CCDC170: variants seen among roughly 807,000 people sequenced by gnomAD.
CCDC170 encodes the protein coiled-coil domain containing 170, also known as coiled-coil domain-containing protein 170.
A neutral mutation model predicts 72.6 loss-of-function variants in CCDC170; 69 were observed. That is an observed-to-expected ratio of 0.95 (90% confidence interval 0.78 to 1.16). The LOEUF is 1.16. Ranked by LOEUF, CCDC170 falls within the 50% of genes most tolerant of loss-of-function variation. The pLI, the probability that CCDC170 is intolerant of heterozygous loss-of-function variation, is 0.00. For missense variants in CCDC170, 852 were observed against 832.5 expected, an observed-to-expected ratio of 1.02 and a Z score of -0.29; for synonymous variants, 300 against 303.9, an observed-to-expected ratio of 0.99 and a Z score of 0.13.
chr6:151,574,644 C>A (rs1333331667), intron 6 of CCDC170, among the ~76,000 whole-genome samples: 1 of 152,162 alleles, frequency 6.6e-6, no homozygotes, highest in Non-Finnish European at 1.5e-5. Flanking sequence ...ATGAAGACCG[C>A]AAATAGCCTC....
rs757900433 is a variant in CCDC170, at chr6:151,544,624, A to G, written c.496A>G (p.Arg166Gly). 6.2e-7 allele frequency: 1 copy of G among 1,613,428 alleles called. No homozygotes were observed. The highest frequency in any genetic ancestry group is 2.2e-5 in the East Asian group (1 of 44,866). ...TAAGAAACAAGTTTCAAAGAATTGC[A>G]GGAAACATGAGGAATTTCTGACTCA... is the stretch of plus-strand genomic sequence containing the variant. ...ENKKQVSKNC[R>G]KHEEFLTQLR... Residue 166 changes from arginine (R) to glycine (G), a missense_variant, in exon 4 of 11, where the codon AGG becomes GGG. Arg to Gly is a moderately radical substitution (Grantham distance 125, BLOSUM62 -2). Transcript: ENST00000239374.
intron 7 of CCDC170, among the ~76,000 whole-genome samples, chr6:151,587,762 A>C (rs1776476124): frequency 6.6e-6 from 1 of 152,214 alleles, no homozygotes; most frequent in Non-Finnish European, 1.5e-5. Context: ...ATGGTGCAAT[A>C]GTGCAATTAG....
chr6:151,528,980 A>G (rs1194775688), intron 1 of CCDC170, among the ~76,000 whole-genome samples: 1 of 152,162 alleles, frequency 6.6e-6, no homozygotes, highest in Non-Finnish European at 1.5e-5. Flanking sequence ...TAATGAGTAA[A>G]TACATCCTTA....
At chr6:151,528,575 G>T (rs1270780873) in intron 1 of CCDC170, among the ~76,000 whole-genome samples, 7 of 152,208 alleles carry the variant, frequency 4.6e-5, no homozygotes, top group Admixed American at 4.6e-4. Flanking sequence ...GTGGGGTGTG[G>T]TGGCTCATGC....
At chr6:151,612,609 C>A (rs1485612157) in intron 9 of CCDC170, among the ~76,000 whole-genome samples, 1 of 152,154 alleles carries the variant, frequency 6.6e-6, no homozygotes, top group Non-Finnish European at 1.5e-5. Flanking sequence ...CCCCACTTCT[C>A]TCTCAGCTGT....
chr6:151,606,295 T>A (rs1301915669), intron 9 of CCDC170, among the ~76,000 whole-genome samples: 1 of 152,250 alleles, frequency 6.6e-6, no homozygotes, highest in Non-Finnish European at 1.5e-5. Context: ...TTGCTGTATT[T>A]CACGGGTTTT....
intron 2 of CCDC170, among the ~76,000 whole-genome samples, chr6:151,537,435 A>C (rs761032367): frequency 3.3e-5 from 5 of 152,218 alleles, no homozygotes; most frequent in Admixed American, 3.3e-4. Context: ...ATTTTAACTC[A>C]ATAGGGCACA....
In CCDC170 at chr6:151,542,829, C is replaced by T. The variant is rs188595388; in HGVS notation, c.444-1743C>T. The stretch of plus-strand genomic sequence containing the variant: ...AATGTATGGAATCCTATATGTATAT[C>T]AATCAGCACCATACAATTAATTATG... On this transcript the variant is annotated intron_variant, in intron 3 of 10. Coordinates refer to ENST00000239374, the MANE Select transcript of CCDC170 (RefSeq NM_025059.4). Among the ~76,000 whole-genome samples, 133 of 152,286 alleles carry T rather than the reference C, an allele frequency of 8.7e-4. 1 individual carries two copies. The highest frequency in any genetic ancestry group is 3.1e-3 in the African/African-American group (127 of 41,576).
chr6:151,518,957 C>T (rs1023298092), intron 1 of CCDC170, among the ~76,000 whole-genome samples: 1 of 152,264 alleles, frequency 6.6e-6, no homozygotes, highest in East Asian at 1.9e-4. Context: ...AAGGGCAAAG[C>T]AAAGATCACA....
At chr6:151,525,007 A>G (rs1257071899) in intron 1 of CCDC170, among the ~76,000 whole-genome samples, 3 of 137,770 alleles carry the variant, frequency 2.2e-5, no homozygotes, top group Admixed American at 1.7e-4. Context: ...ATCTCGGCTC[A>G]CTGCAAACTC....
chr6:151,548,172 C>T lies in CCDC170; in HGVS notation c.589-132C>T, dbSNP rs948516838. Reference sequence around the variant, plus strand: ...TTACAGGCTGCCTTTGAAAATGTGACCTTTCCAGTCCATGTAGGGATAGTG... The same window carrying T: ...TTACAGGCTGCCTTTGAAAATGTGATCTTTCCAGTCCATGTAGGGATAGTG... On this transcript the variant is annotated intron_variant, in intron 4 of 10. Transcript: ENST00000239374. 3 of 719,290 alleles carry T rather than the reference C, an allele frequency of 4.2e-6. No homozygotes were observed. In the East Asian group the frequency reaches 9.4e-5, roughly 23 times the overall value. 44.6% of individuals were successfully genotyped at this position (719,290 alleles called of 1,614,324 possible). A position where few individuals can be genotyped will look rare whatever the true frequency, so the allele number is the denominator to read the frequency against.
chr6:151,564,080 G>T (rs1318262), intron 5 of CCDC170, among the ~76,000 whole-genome samples: 139,502 of 152,206 alleles, frequency 0.92, 64,181 homozygotes, highest in East Asian at 0.99. Flanking sequence ...CCTTGCTTTT[G>T]CACGTTTCTT....
chr6:151,496,875 C>T (rs73783041), intron 1 of CCDC170, among the ~76,000 whole-genome samples: 2,540 of 152,218 alleles, frequency 0.017, 60 homozygotes, highest in African/African-American at 0.058. Flanking sequence ...GAGGATTTCA[C>T]GGTTAATAAA....
intron 6 of CCDC170, among the ~76,000 whole-genome samples, chr6:151,576,690 A>G (rs1056687382): frequency 5.3e-5 from 8 of 152,186 alleles, no homozygotes; most frequent in African/African-American, 1.7e-4. Flanking sequence ...GAAATCAAGC[A>G]TATAGCTGGT....
At chr6:151,507,670 C>T (rs1212509643) in intron 1 of CCDC170, among the ~76,000 whole-genome samples, 2 of 152,014 alleles carry the variant, frequency 1.3e-5, no homozygotes, top group African/African-American at 4.8e-5. Context: ...TGCCTGTAAT[C>T]CCAGCACTTT....
At chr6:151,520,605 T>C (rs1782301786) in intron 1 of CCDC170, among the ~76,000 whole-genome samples, 1 of 152,242 alleles carries the variant, frequency 6.6e-6, no homozygotes, top group African/African-American at 2.4e-5. Context: ...TTAGAAATTA[T>C]GGTTAAGGAG....
chr6:151,533,307 G>T (rs1782522033), intron 1 of CCDC170, among the ~76,000 whole-genome samples: 1 of 151,662 alleles, frequency 6.6e-6, no homozygotes, highest in Non-Finnish European at 1.5e-5. Context: ...GCCCGCCTTG[G>T]CCTCCCAAAG....
At chr6:151,503,506 G>A (rs1303186107) in intron 1 of CCDC170, among the ~76,000 whole-genome samples, 4 of 152,232 alleles carry the variant, frequency 2.6e-5, no homozygotes, top group African/African-American at 7.2e-5. Context: ...AGGCTGGAGT[G>A]CAATGGTGCG....
intron 5 of CCDC170, among the ~76,000 whole-genome samples, chr6:151,553,937 A>G (rs914298327): frequency 1.3e-5 from 2 of 152,168 alleles, no homozygotes; most frequent in Non-Finnish European, 2.9e-5. Context: ...AGTGAGGTCC[A>G]GAAGGACTGC....
Sources: allele counts gnomAD v4.1 joint callset (sites outside exome capture counted in the v4.1 genomes callset), GRCh38; gene constraint gnomAD v4.1.1; transcripts MANE v1.5; gene names NCBI Gene and HGNC (gene_info 2026-07-23, HGNC 2026-07-21).